Variants in HMMR observed in about 807,000 individuals in gnomAD.
HMMR encodes the protein hyaluronan mediated motility receptor.
A neutral mutation model predicts 101.0 loss-of-function variants in HMMR; 108 were observed. The observed-to-expected ratio is 1.07, with a 90% CI of 0.92 to 1.25. The LOEUF is 1.25. Ranked by LOEUF, HMMR falls within the 50% of genes most tolerant of loss-of-function variation. The pLI is 0.00. For missense variants in HMMR, 813 were observed against 788.7 expected, an observed-to-expected ratio of 1.03 and a Z score of -0.37; for synonymous variants, 296 against 276.4, an observed-to-expected ratio of 1.07 and a Z score of -0.70.
intron 16 of HMMR, among the ~76,000 whole-genome samples, chr5:163,490,157 A>G (rs1339890598): frequency 2.0e-5 from 3 of 152,164 alleles, no homozygotes; most frequent in Non-Finnish European, 4.4e-5. Context: ...TTATCAGAAA[A>G]ATAGCTTTGT....
chr5:163,469,571 T>C (rs1758807354), intron 4 of HMMR, 70 bp from the exon 5 acceptor site: 1 of 1,277,060 alleles, frequency 7.8e-7, no homozygotes. Flanking sequence ...TTAGGGGTGA[T>C]TATTGGTAGC....
At position 163,483,112 on chromosome 5, in the gene HMMR, A is replaced by G; in HGVS notation, c.1625A>G (p.Gln542Arg). 6.2e-7 allele frequency: 1 copy of G among 1,612,924 alleles called. No homozygotes were observed. The highest frequency in any genetic ancestry group is 1.1e-5 in the South Asian group (1 of 90,898). Residue 542 changes from glutamine (Q) to arginine (R), a missense_variant, in exon 14 of 18, where the codon CAG (glutamine) becomes CGG (arginine). Coordinates refer to ENST00000393915, the MANE Select transcript of HMMR (RefSeq NM_001142556.2). The part of the protein sequence containing the change: ...VSFLQKITDL[Q>R]NQLKQQEEDF... ...TTTCTTCAAAAAATAACTGATTTGC[A>G]GAACCAACTCAAGCAACAGGAGGAA... is the stretch of plus-strand genomic sequence containing the variant.
At chr5:163,478,560 G>A (rs1234718771) in intron 11 of HMMR, 124 bp from the exon 12 acceptor site, 3 of 648,414 alleles carry the variant, frequency 4.6e-6, no homozygotes, top group Non-Finnish European at 2.8e-6. Flanking sequence ...GAGCTATTTA[G>A]CAGGTAATGC....
At chr5:163,482,947 A>G in intron 13 of HMMR, 73 bp from the exon 14 acceptor site, 1 of 1,365,972 alleles carries the variant, frequency 7.3e-7, no homozygotes, top group East Asian at 2.3e-5. Flanking sequence ...CTTGAGGTTT[A>G]AAGAAAAAAA....
At position 163,478,773 on chromosome 5, in the gene HMMR, T is replaced by C; in HGVS notation, c.1358T>C (p.Leu453Pro). The change falls in exon 12 of 18, where the codon CTT becomes CCT. Residue 453 changes from leucine (L) to proline (P), a missense_variant. Coordinates refer to ENST00000393915, the MANE Select transcript of HMMR (RefSeq NM_001142556.2). ...AAGTATGACAGTATGGTGCAAAGCCTTGAAGATGTTACTGCTCAATTTGAA... is the reference window on the plus strand; with the variant it reads ...AAGTATGACAGTATGGTGCAAAGCCCTGAAGATGTTACTGCTCAATTTGAA... ...QEKYDSMVQS[L>P]EDVTAQFESY... is the part of the protein sequence containing the mutation. 1 of 1,607,492 alleles carries C rather than the reference T, an allele frequency of 6.2e-7. No individual in the cohort carries two copies.
chr5:163,471,233 T>C lies in HMMR; in HGVS notation c.511T>C (p.Leu171=). 2 of 1,613,168 alleles carry C rather than the reference T, an allele frequency of 1.2e-6. No individual in the cohort carries two copies. Among genetic ancestry groups the C allele is most frequent in the Non-Finnish European group, 1.7e-6 (2 of 1,179,192 alleles). The change falls in exon 6 of 18, where the codon TTG becomes CTG. Residue 171 remains leucine, a synonymous_variant. Transcript: ENST00000393915. ...QKNLRILSLE[L]MKLRNKRETK... ...GAATTTGAGAATTCTAAGCTTGGAG[T>C]TGATGAAACTTAGAAACAAAAGAGA...
At chr5:163,468,323 C>G (rs1347719997) in intron 4 of HMMR, among the ~76,000 whole-genome samples, 1 of 152,162 alleles carries the variant, frequency 6.6e-6, no homozygotes, top group Non-Finnish European at 1.5e-5. Context: ...TGCTCAGTAG[C>G]CACATGTGAT....
At position 163,471,343 on chromosome 5, in the gene HMMR, C is replaced by T. The variant is rs1267195364; in HGVS notation, c.550-20C>T. ...AGTACAACTTTCTCATTTCCTAAAA[C>T]AGGTATCTTTGTTGTGTAGGGTATG... is the stretch of plus-strand genomic sequence containing the variant. On this transcript the variant is annotated intron_variant, in intron 6 of 17. Coordinates refer to ENST00000393915, the MANE Select transcript of HMMR (RefSeq NM_001142556.2). The T allele has an allele frequency of 1.2e-6, 2 of 1,611,624 alleles. No individual in the cohort carries two copies. The highest frequency in any genetic ancestry group is 2.2e-5 in the East Asian group (1 of 44,854).
At chr5:163,483,425 T>C in intron 15 of HMMR, 58 bp downstream of exon 15, 1 of 948,086 alleles carries the variant, frequency 1.1e-6, no homozygotes, top group Non-Finnish European at 1.7e-6. Flanking sequence ...CTTTGTTCCC[T>C]ATTATAGTGA....
At chr5:163,490,316 C>A in intron 16 of HMMR, 74 bp from the exon 17 acceptor site, 2 of 1,016,324 alleles carry the variant, frequency 2.0e-6, no homozygotes, top group Non-Finnish European at 2.9e-6. Context: ...GGAATTTGCC[C>A]GCAACATTGG....
In HMMR at chr5:163,473,462, T is replaced by C; in HGVS notation, c.809T>C (p.Leu270Ser). 4 of 1,605,338 alleles carry C rather than the reference T, an allele frequency of 2.5e-6. No individual in the cohort carries two copies. Among genetic ancestry groups the C allele is most frequent in the Non-Finnish European group, 3.4e-6 (4 of 1,172,920 alleles). The change falls in exon 9 of 18, where the codon TTA (leucine) becomes TCA (serine). Residue 270 changes from leucine (L) to serine (S), a missense_variant. By Grantham distance (145) the Leu-to-Ser change is moderately radical. Transcript: ENST00000393915. The stretch of plus-strand genomic sequence containing the variant: ...TTGAAAGAGAAGAATGATGAAATTT[T>C]AAGCCTTAAGCAGTCTCTTGAGGAG... ...ENLKEKNDEI[L>S]SLKQSLEENI...
At chr5:163,481,840 C>A (rs1166160094) in intron 12 of HMMR, among the ~76,000 whole-genome samples, 1 of 152,168 alleles carries the variant, frequency 6.6e-6, no homozygotes, top group African/African-American at 2.4e-5. Context: ...ATTTTCCATT[C>A]TTTTCCCCTG....
rs754040102 is a variant in HMMR at position 163,478,680 on chromosome 5, T to G, written c.1269-4T>G. The G allele has an allele frequency of 6.3e-7, 1 of 1,575,822 alleles. No individual in the cohort carries two copies. The highest frequency in any genetic ancestry group is 8.7e-7 in the Non-Finnish European group (1 of 1,145,892). On this transcript the variant is annotated splice_polypyrimidine_tract_variant and splice_region_variant and intron_variant, in intron 11 of 17. Coordinates refer to ENST00000393915, the MANE Select transcript of HMMR (RefSeq NM_001142556.2). ...TTTATCTTTCAATTATTTCTTTTTCTTAGGAAGGAGGCTGAACTGGAGAAA... is the reference window on the plus strand; with the variant it reads ...TTTATCTTTCAATTATTTCTTTTTCGTAGGAAGGAGGCTGAACTGGAGAAA...
chr5:163,487,719 T>C (rs181078058), intron 16 of HMMR, among the ~76,000 whole-genome samples: 166 of 152,246 alleles, frequency 1.1e-3, no homozygotes, highest in African/African-American at 3.9e-3. Flanking sequence ...TATTCCTTTA[T>C]AATCTTTTTT....
intron 15 of HMMR, among the ~76,000 whole-genome samples, chr5:163,483,685 A>G (rs1759363369): frequency 6.6e-6 from 1 of 152,184 alleles, no homozygotes; most frequent in African/African-American, 2.4e-5. Context: ...TTTGATAATT[A>G]ACCTATTTTA....
chr5:163,473,112 T>C (rs1758947462), intron 7 of HMMR, 67 bp from the exon 8 acceptor site: 1 of 810,360 alleles, frequency 1.2e-6, no homozygotes, highest in Non-Finnish European at 2.1e-6. Flanking sequence ...ATCTGGTACA[T>C]AAGCATTATG....
At chr5:163,482,922 C>T in intron 13 of HMMR, 98 bp from the exon 14 acceptor site, 6 of 1,346,888 alleles carry the variant, frequency 4.5e-6, no homozygotes, top group Non-Finnish European at 6.1e-6. Context: ...AAAAATGACA[C>T]TTCTTGAAGA....
At chr5:163,483,957 C>A in intron 15 of HMMR, 112 bp from the exon 16 acceptor site, 1 of 607,182 alleles carries the variant, frequency 1.6e-6, no homozygotes, top group Non-Finnish European at 2.9e-6. Flanking sequence ...AATATGTGAA[C>A]ATACCTTGTT....
Position 163,491,149 on chromosome 5 carries a change from A to G in HMMR, c.2163A>G (p.Gln721=). The G allele has an allele frequency of 6.4e-7, 1 of 1,563,554 alleles. No homozygotes were observed. Among genetic ancestry groups the G allele is most frequent in the Non-Finnish European group, 8.7e-7 (1 of 1,147,988 alleles). The part of the protein sequence containing the change: ...TNCYRAPMEC[Q]ESWK ...GTTACCGAGCTCCTATGGAGTGTCAAGAATCATGGAAGTAAACATCTGAGA... is the reference window on the plus strand; with the variant it reads ...GTTACCGAGCTCCTATGGAGTGTCAGGAATCATGGAAGTAAACATCTGAGA... The change falls in exon 18 of 18, where the codon CAA becomes CAG. Residue 721 remains glutamine, a synonymous_variant. Transcript: ENST00000393915.
Sources: allele counts gnomAD v4.1 joint callset (sites outside exome capture counted in the v4.1 genomes callset), GRCh38; gene constraint gnomAD v4.1.1; transcripts MANE v1.5; gene names NCBI Gene and HGNC (gene_info 2026-07-23, HGNC 2026-07-21).